BTAF1: variants seen among roughly 807,000 people sequenced by gnomAD.
BTAF1 encodes B-TFIID TATA-box binding protein associated factor 1, also known as TATA-binding protein-associated factor 172.
Under a neutral mutation model 227.1 loss-of-function variants are expected in BTAF1, and 38 were observed. The observed-to-expected ratio is 0.17, with a 90% confidence interval of 0.13 to 0.22. The LOEUF is 0.22. Ranked by LOEUF, BTAF1 falls within the 10% of genes least tolerant of loss-of-function variation. The probability of loss-of-function intolerance (pLI) is 1.00; values close to 1 mark genes in which losing one functional copy is unlikely to be tolerated. For missense variants in BTAF1, 1,598 were observed against 2,204.0 expected (o/e 0.73, Z 5.51); for synonymous variants, 742 against 751.9 (o/e 0.99, Z 0.21).
intron 28 of BTAF1, among the ~76,000 whole-genome samples, chr10:92,010,676 C>G (rs564446131): frequency 6.6e-6 from 1 of 152,140 alleles, no homozygotes; most frequent in Non-Finnish European, 1.5e-5. Context: ...CCAAAACAAC[C>G]TTTGTGGTTA....
At chr10:91,947,419 T>C (rs1246445198) in intron 4 of BTAF1, among the ~76,000 whole-genome samples, 1 of 152,202 alleles carries the variant, frequency 6.6e-6, no homozygotes, top group Admixed American at 6.5e-5. Context: ...TTCATTCTTT[T>C]GCATGTGGCT....
chr10:92,019,239 A>G lies in BTAF1; in HGVS notation c.4863+304A>G, dbSNP rs535515801. Among the ~76,000 whole-genome samples, 3 of 152,340 alleles carry G rather than the reference A, an allele frequency of 2.0e-5. No homozygotes were observed. In the East Asian group the frequency reaches 5.8e-4, roughly 29 times the overall value. On this transcript the variant is annotated intron_variant, in intron 34 of 37. Transcript: ENST00000265990. ...GAAACTCTATATTCATCAAGCAATA[A>G]TTCTTCATTCTCCCTTGTTCTAGCC...
intron 1 of BTAF1, among the ~76,000 whole-genome samples, chr10:91,934,970 A>G (rs1286602830): frequency 6.6e-6 from 1 of 152,130 alleles, no homozygotes; most frequent in Non-Finnish European, 1.5e-5. Flanking sequence ...AGCACTTTGT[A>G]CTTTTTTTCC....
chr10:92,006,592 A>G (rs576186052), intron 25 of BTAF1, among the ~76,000 whole-genome samples: 1 of 152,366 alleles, frequency 6.6e-6, no homozygotes, highest in African/African-American at 2.4e-5. Flanking sequence ...AATTCATTAT[A>G]TAATATTTTA....
rs1404293997 is a variant in BTAF1, at chr10:91,942,696, G to A, written c.400+128G>A. 4.4e-5 allele frequency: 47 copies of A among 1,070,098 alleles called. No individual in the cohort carries two copies. In the South Asian group the frequency reaches 6.8e-4, roughly 15 times the overall value. The allele number at this position is 1,070,098 out of a possible 1,614,324, so 66.3% of individuals were successfully genotyped here. A position where few individuals can be genotyped will look rare whatever the true frequency, so the allele number is the denominator to read the frequency against. On this transcript the variant is annotated intron_variant, in intron 4 of 37. Coordinates refer to ENST00000265990, the MANE Select transcript of BTAF1 (RefSeq NM_003972.3). ...AAATGTAAATTAACTGAAGTTTGCA[G>A]GTGGCGGGGGATGCTATGAATGGGA...
intron 2 of BTAF1, 88 bp from the exon 3 acceptor site, chr10:91,939,864 A>G: frequency 1.3e-6 from 1 of 761,380 alleles, no homozygotes; most frequent in Non-Finnish European, 2.1e-6. Context: ...TTACACATTA[A>G]TAACAAGTAA....
At chr10:91,967,957 C>T (rs1401307144) in intron 14 of BTAF1, among the ~76,000 whole-genome samples, 1 of 151,968 alleles carries the variant, frequency 6.6e-6, no homozygotes, top group African/African-American at 2.4e-5. Context: ...CCCTTTTATC[C>T]CTCCTACTAC....
chr10:92,019,120 C>A (rs1424804108), intron 34 of BTAF1, among the ~76,000 whole-genome samples, 185 bp downstream of exon 34: 4 of 152,094 alleles, frequency 2.6e-5, no homozygotes, highest in Non-Finnish European at 5.9e-5. Context: ...GCCATTTTAA[C>A]CATTTTAAGT....
chr10:92,004,515 T>A (rs1849747915), intron 25 of BTAF1, among the ~76,000 whole-genome samples: 1 of 152,224 alleles, frequency 6.6e-6, no homozygotes, highest in South Asian at 2.1e-4. Flanking sequence ...TTGCCCAGGC[T>A]GGAGTGCAGT....
intron 4 of BTAF1, among the ~76,000 whole-genome samples, chr10:91,947,604 T>A (rs1845459938): frequency 6.6e-6 from 1 of 152,122 alleles, no homozygotes; most frequent in African/African-American, 2.4e-5. Context: ...TAAATTATTG[T>A]TGCATTGTAG....
chr10:92,029,236 C>G lies in BTAF1; in HGVS notation c.*303C>G, dbSNP rs1851733320. On this transcript the variant is annotated 3_prime_UTR_variant, in exon 38 of 38. Coordinates refer to ENST00000265990, the MANE Select transcript of BTAF1 (RefSeq NM_003972.3). ...GGTGTTCTTAATGGGAACAGGCCTC[C>G]TATCTTTAGTCACTTTGTACAGGAT... 1.5e-5 allele frequency: 3 copies of G among 202,076 alleles called. No homozygotes were observed. In the South Asian group the frequency reaches 5.0e-4, roughly 34 times the overall value. The allele number at this position is 202,076 out of a possible 1,614,324, so 12.5% of individuals were successfully genotyped here.
chr10:91,983,891 A>AT (rs71025378), intron 18 of BTAF1, among the ~76,000 whole-genome samples: 45,110 of 146,230 alleles, frequency 0.31, 7,838 homozygotes, highest in South Asian at 0.52. Context: ...TTCTTTTCTG[A>AT]TTTTTTTTTT....
intron 14 of BTAF1, among the ~76,000 whole-genome samples, chr10:91,974,638 G>C (rs1276385059): frequency 1.3e-5 from 2 of 152,138 alleles, no homozygotes; most frequent in African/African-American, 4.8e-5. Context: ...GATCACTTGA[G>C]GTCAGGAGTT....
At chr10:91,967,868 G>A (rs1847032354) in intron 14 of BTAF1, among the ~76,000 whole-genome samples, 1 of 151,856 alleles carries the variant, frequency 6.6e-6, no homozygotes. Context: ...CATTCTTTTT[G>A]TATATATGGA....
In BTAF1 at chr10:92,028,963, T is replaced by G; in HGVS notation, c.*30T>G. ...CAAATATTGTAAATGCAATTGCTGC[T>G]AGTTCAGTTACATTTCTGCTGATAT... On this transcript the variant is annotated 3_prime_UTR_variant, in exon 38 of 38. Transcript: ENST00000265990. 6.5e-7 allele frequency: 1 copy of G among 1,542,492 alleles called. No individual in the cohort carries two copies. The highest frequency in any genetic ancestry group is 2.4e-5 in the East Asian group (1 of 42,000).
In BTAF1 at chr10:91,935,788, CT is replaced by C. The variant is rs762142021; in HGVS notation, c.138+18del. On this transcript the variant is annotated intron_variant, in intron 2 of 37. Transcript: ENST00000265990. ...AATAATCTCCTGTCTAAAGTAAGAA[CT>C]TTTTTTTTTCTTTTAGCATAATACA... 8.8e-4 allele frequency: 1,331 copies of C among 1,511,500 alleles called. No homozygotes were observed. Among genetic ancestry groups the C allele is most frequent in the South Asian group, 2.5e-3 (200 of 80,934 alleles). 93.6% of individuals were successfully genotyped at this position (1,511,500 alleles called of 1,614,324 possible).
intron 20 of BTAF1, among the ~76,000 whole-genome samples, chr10:91,991,317 G>A (rs565116220): frequency 5.7e-5 from 6 of 105,604 alleles, no homozygotes; most frequent in Admixed American, 2.1e-4. Context: ...GGTGGCGTGC[G>A]TCTGTAATCC....
intron 23 of BTAF1, among the ~76,000 whole-genome samples, chr10:91,995,160 A>T (rs1186637554): frequency 6.6e-6 from 1 of 152,118 alleles, no homozygotes; most frequent in Non-Finnish European, 1.5e-5. Context: ...ATAGAGAATT[A>T]TCTGGTTTTT....
chr10:91,975,329 A>G (rs1216056039), intron 14 of BTAF1, among the ~76,000 whole-genome samples: 1 of 152,248 alleles, frequency 6.6e-6, no homozygotes, highest in Non-Finnish European at 1.5e-5. Context: ...ACAAATAAGT[A>G]GGAAACAAAG....
Sources: gnomAD v4.1 joint callset for allele counts (sites outside exome capture counted in the v4.1 genomes callset) on GRCh38, gnomAD v4.1.1 for gene constraint, MANE v1.5 for transcripts, NCBI Gene and HGNC (gene_info 2026-07-23, HGNC 2026-07-21) for gene names.